The following CSMD1 variants were observed in gnomAD, a reference collection of about 807,000 sequenced individuals.
CSMD1 encodes the protein CUB and Sushi multiple domains 1.
Under a neutral mutation model 417.5 loss-of-function variants are expected in CSMD1, and 213 were observed. That is an observed-to-expected ratio of 0.51 (90% confidence interval 0.46 to 0.57). The LOEUF is 0.57. CSMD1 is among the 20% of genes least tolerant of loss of function. CSMD1 has a pLI of 0.00. For missense variants in CSMD1, 6,923 were observed against 4,529.7 expected (o/e 1.53, Z -15.17); for synonymous variants, 2,862 against 1,736.8 (o/e 1.65, Z -16.11).
chr8:4,556,413 G>A lies in CSMD1; in HGVS notation c.302+80929C>T, dbSNP rs145930545. On this transcript the variant is annotated intron_variant, in intron 2 of 69. Transcript: ENST00000635120. ...GCATTGTAAGCTGGCAAGACTACAC[G>A]GAGAGGCCAGGGTACAGAGGACATA... 4.2e-3 allele frequency among the ~76,000 whole-genome samples: 638 copies of A among 152,174 alleles called. 4 individuals carry two copies. Among genetic ancestry groups the A allele is most frequent in the African/African-American group, 0.015 (624 of 41,514 alleles).
At chr8:3,108,816 G>T in intron 43 of CSMD1, 68 bp from the exon 44 acceptor site, 2 of 1,452,604 alleles carry the variant, frequency 1.4e-6, no homozygotes, top group Non-Finnish European at 9.3e-7. Flanking sequence ...TGGAAACTTT[G>T]GCTAATGAAT....
At chr8:3,567,317 G>C (rs1181206413) in intron 10 of CSMD1, among the ~76,000 whole-genome samples, 1 of 151,838 alleles carries the variant, frequency 6.6e-6, no homozygotes, top group African/African-American at 2.4e-5. Flanking sequence ...CAACTGTTGG[G>C]TACTGGGCTT....
At position 3,310,185 on chromosome 8, in the gene CSMD1, A is replaced by C. The variant is rs190572944; in HGVS notation, c.3632-1682T>G. Among the ~76,000 whole-genome samples the C allele has an allele frequency of 1.2e-3, 179 of 152,340 alleles. 1 individual carries two copies. Among genetic ancestry groups the C allele is most frequent in the African/African-American group, 4.1e-3 (170 of 41,592 alleles). On this transcript the variant is annotated intron_variant, in intron 23 of 69. Coordinates refer to ENST00000635120, the MANE Select transcript of CSMD1 (RefSeq NM_033225.6). The stretch of plus-strand genomic sequence containing the variant: ...TCAAATATTTGATGACCTTCATCTC[A>C]CTGCATAATGCCAAGAAGACAGGGC...
intron 3 of CSMD1, among the ~76,000 whole-genome samples, chr8:4,126,573 G>A (rs1802778506): frequency 1.3e-5 from 2 of 152,162 alleles, no homozygotes; most frequent in African/African-American, 4.8e-5. Flanking sequence ...GATGGAGACT[G>A]GGGACGGGCC....
intron 1 of CSMD1, among the ~76,000 whole-genome samples, chr8:4,800,871 C>T (rs140973666): frequency 0.011 from 1,689 of 152,312 alleles, 27 homozygotes; most frequent in African/African-American, 0.038. Flanking sequence ...TTAATTCTTC[C>T]CTTTCACACA....
intron 12 of CSMD1, among the ~76,000 whole-genome samples, chr8:3,437,328 C>T (rs1045040816): frequency 1.3e-5 from 2 of 152,170 alleles, no homozygotes; most frequent in African/African-American, 4.8e-5. Flanking sequence ...TTATTATTGG[C>T]CTCAACTCGG....
intron 20 of CSMD1, among the ~76,000 whole-genome samples, chr8:3,360,359 G>T (rs1003399203): frequency 3.9e-5 from 6 of 152,210 alleles, no homozygotes; most frequent in African/African-American, 1.4e-4. Flanking sequence ...AACTCCTTCT[G>T]ATCTCCGTAG....
intron 15 of CSMD1, among the ~76,000 whole-genome samples, chr8:3,401,972 G>C (rs774047047): frequency 4.0e-5 from 6 of 150,392 alleles, no homozygotes; most frequent in Non-Finnish European, 8.9e-5. Flanking sequence ...TTTTTTTGAT[G>C]ATTTAAATTA....
chr8:4,589,921 T>A (rs897886864), intron 2 of CSMD1, among the ~76,000 whole-genome samples: 1 of 152,296 alleles, frequency 6.6e-6, no homozygotes, highest in African/African-American at 2.4e-5. Flanking sequence ...ATATGTGGCT[T>A]TTGTCTAACC....
chr8:4,051,389 C>G (rs1457173992), intron 3 of CSMD1, among the ~76,000 whole-genome samples: 1 of 151,922 alleles, frequency 6.6e-6, no homozygotes, highest in Non-Finnish European at 1.5e-5. Context: ...GAGGGCTGAT[C>G]CAACCCAGTA....
At chr8:4,016,345 C>T (rs893101357) in intron 4 of CSMD1, among the ~76,000 whole-genome samples, 14 of 152,130 alleles carry the variant, frequency 9.2e-5, no homozygotes, top group African/African-American at 2.9e-4. Context: ...GACTCTCAGA[C>T]ATTTTGCAAT....
rs535067137 is a variant in CSMD1, at chr8:3,387,632, C to T, written c.2644G>A (p.Gly882Ser). The change falls in exon 18 of 70, where the codon GGC (glycine) becomes AGC (serine). Residue 882 changes from glycine to serine, a missense_variant. Physicochemically the swap from Gly to Ser is moderately conservative, Grantham distance 56 (BLOSUM62 0). Transcript: ENST00000635120. Reference protein sequence around the residue: ...SCLDPGIPVNGHRHGGDFGIR... With the variant: ...SCLDPGIPVNSHRHGGDFGIR... ...CCAAAGTCTCCACCGTGGCGATGGC[C>T]GTTCACAGGGATGCCCGGGTCCAGG... 14 of 1,600,976 alleles carry T rather than the reference C, an allele frequency of 8.7e-6. No individual in the cohort carries two copies. The highest frequency in any genetic ancestry group is 2.3e-5 in the South Asian group (2 of 88,436).
chr8:3,460,251 G>A (rs555673634), intron 12 of CSMD1, among the ~76,000 whole-genome samples: 1 of 152,172 alleles, frequency 6.6e-6, no homozygotes, highest in Admixed American at 6.5e-5. Flanking sequence ...GTCCATAGAA[G>A]AATGATCCTT....
At chr8:3,389,127 T>C (rs930498183) in intron 17 of CSMD1, among the ~76,000 whole-genome samples, 2 of 151,294 alleles carry the variant, frequency 1.3e-5, no homozygotes, top group African/African-American at 2.4e-5. Flanking sequence ...TGTTTACTTT[T>C]ATTTTAAGTT....
intron 18 of CSMD1, among the ~76,000 whole-genome samples, chr8:3,384,326 A>C (rs1031371879): frequency 5.9e-5 from 9 of 152,138 alleles, no homozygotes; most frequent in Non-Finnish European, 7.4e-5. Flanking sequence ...TTTTAAATCA[A>C]ATCAGGCATC....
intron 5 of CSMD1, among the ~76,000 whole-genome samples, chr8:3,913,669 G>A (rs982053559): frequency 6.6e-6 from 1 of 152,156 alleles, no homozygotes; most frequent in Non-Finnish European, 1.5e-5. Context: ...CAGGGCCATC[G>A]AAATATCAAG....
intron 3 of CSMD1, among the ~76,000 whole-genome samples, chr8:4,205,283 A>G (rs934129209): frequency 7.9e-5 from 12 of 152,230 alleles, no homozygotes; most frequent in African/African-American, 2.9e-4. Context: ...AGTTTTTACA[A>G]TAGTTCCTTG....
intron 5 of CSMD1, among the ~76,000 whole-genome samples, chr8:3,832,476 C>T (rs1397397917): frequency 6.6e-6 from 1 of 152,158 alleles, no homozygotes; most frequent in South Asian, 2.1e-4. Flanking sequence ...GTTTCTTGTT[C>T]TAAATGTGTA....
intron 3 of CSMD1, among the ~76,000 whole-genome samples, chr8:4,069,389 G>T (rs988624760): frequency 6.6e-6 from 1 of 152,126 alleles, no homozygotes; most frequent in African/African-American, 2.4e-5. Context: ...GCTTTCGTCT[G>T]TTTTCTGAGT....
Sources: gnomAD v4.1 joint callset for allele counts (sites outside exome capture counted in the v4.1 genomes callset) on GRCh38, gnomAD v4.1.1 for gene constraint, MANE v1.5 for transcripts, NCBI Gene and HGNC (gene_info 2026-07-23, HGNC 2026-07-21) for gene names.